The following STX7 variants were observed in gnomAD, a reference collection of about 807,000 sequenced individuals.
The protein encoded by STX7 is syntaxin 7, also known as syntaxin-7.
Under a neutral mutation model 39.6 loss-of-function variants are expected in STX7, and 34 were observed. That is an observed-to-expected ratio of 0.86 (90% CI 0.65 to 1.14). The LOEUF (loss-of-function observed/expected upper bound fraction) is 1.14, where lower values mean the gene tolerates loss of function less well. Among genes scored for constraint, STX7 ranks in the 50% most tolerant of loss-of-function variants. The probability of loss-of-function intolerance (pLI) is 0.00; values close to 1 mark genes in which losing one functional copy is unlikely to be tolerated. For synonymous variants in STX7, 119 were observed against 99.1 expected (o/e 1.20, Z -1.19); for missense variants, 284 against 310.4 (o/e 0.92, Z 0.64).
At chr6:132,470,456 A>C (rs1774686014) in intron 6 of STX7, 118 bp downstream of exon 6, 4 of 653,650 alleles carry the variant, frequency 6.1e-6, no homozygotes, top group Non-Finnish European at 9.4e-6. Flanking sequence ...TCAACATATA[A>C]ACAACTTAGG....
intron 3 of STX7, among the ~76,000 whole-genome samples, chr6:132,473,497 GTT>G (rs1241957879): frequency 8.1e-6 from 1 of 123,048 alleles, no homozygotes; most frequent in Admixed American, 8.1e-5. Flanking sequence ...TTATAGTTCA[GTT>G]TTTTTTTTTA....
At chr6:132,476,938 T>A (rs1345925531) in intron 2 of STX7, among the ~76,000 whole-genome samples, 1 of 152,110 alleles carries the variant, frequency 6.6e-6, no homozygotes, top group African/African-American at 2.4e-5. Flanking sequence ...ACCCCCTCAT[T>A]CTTTTTATTT....
rs1774167999 is a variant in STX7, at chr6:132,453,120, G to T, written c.*7638C>A. On this transcript the variant is annotated 3_prime_UTR_variant, in exon 10 of 10. Transcript: ENST00000367941. ...TTTTGCTCAACTGATTTTTGACAGA[G>T]GTGCAAAAACAATTCAATGGACAAA... 1 of 151,904 alleles carries T rather than the reference G, an allele frequency of 6.6e-6. No homozygotes were observed. The highest frequency in any genetic ancestry group is 6.6e-5 in the Admixed American group (1 of 15,254). The allele number at this position is 151,904 out of a possible 1,614,324, so 9.4% of individuals were successfully genotyped here.
intron 2 of STX7, among the ~76,000 whole-genome samples, chr6:132,478,995 A>G (rs997301802): frequency 1.3e-5 from 2 of 152,208 alleles, no homozygotes; most frequent in African/African-American, 4.8e-5. Context: ...TTAGGACCAG[A>G]AAAGCAGGAG....
Position 132,512,331 on chromosome 6 carries a change from CT to C in STX7, c.-59+675del, listed in dbSNP as rs984932447. On this transcript the variant is annotated intron_variant, in intron 1 of 9. Coordinates refer to ENST00000367941, the MANE Select transcript of STX7 (RefSeq NM_003569.3). Reference sequence around the variant, plus strand: ...ACACAGCATTTGATCAGAAATGCAACTTTTTTTCTTTGTCTGAATTTAAAGA... The same window carrying C: ...ACACAGCATTTGATCAGAAATGCAACTTTTTTCTTTGTCTGAATTTAAAGA... 7.6e-4 allele frequency among the ~76,000 whole-genome samples: 115 copies of C among 152,090 alleles called. 4 individuals are homozygous for C. Among genetic ancestry groups the C allele is most frequent in the African/African-American group, 2.5e-3 (105 of 41,486 alleles).
chr6:132,459,623 T>C lies in STX7; in HGVS notation c.*1135A>G, dbSNP rs1341164697. On this transcript the variant is annotated 3_prime_UTR_variant, in exon 10 of 10. Coordinates refer to ENST00000367941, the MANE Select transcript of STX7 (RefSeq NM_003569.3). ...TTGCCAAGTTAAACACCGCCTTCAGTACCGAGCTGCTATACAAGAACATTA... is the reference window on the plus strand; with the variant it reads ...TTGCCAAGTTAAACACCGCCTTCAGCACCGAGCTGCTATACAAGAACATTA... 6.6e-6 allele frequency: 1 copy of C among 152,240 alleles called. No individual in the cohort carries two copies. The highest frequency in any genetic ancestry group is 2.4e-5 in the African/African-American group (1 of 41,470). 9.4% of individuals were successfully genotyped at this position (152,240 alleles called of 1,614,324 possible).
At position 132,478,272 on chromosome 6, in the gene STX7, A is replaced by G. The variant is rs141139003; in HGVS notation, c.86-2610T>C. Among the ~76,000 whole-genome samples, 125 of 152,314 alleles carry G rather than the reference A, an allele frequency of 8.2e-4. 1 individual carries two copies. The highest frequency in any genetic ancestry group is 3.4e-3 in the Middle Eastern group (1 of 294). ...AATAGCAAAAAAAGGACCGAAATGC[A>G]TATCAATTTTGCAAAGTACAAACAA... On this transcript the variant is annotated intron_variant, in intron 2 of 9. Coordinates refer to ENST00000367941, the MANE Select transcript of STX7 (RefSeq NM_003569.3).
At chr6:132,489,847 T>A (rs1183703676) in intron 2 of STX7, among the ~76,000 whole-genome samples, 6 of 152,216 alleles carry the variant, frequency 3.9e-5, no homozygotes. Flanking sequence ...GGCATAAAGG[T>A]CAAATCAGTG....
At chr6:132,465,748 A>G (rs910827430) in intron 8 of STX7, among the ~76,000 whole-genome samples, 3 of 152,152 alleles carry the variant, frequency 2.0e-5, no homozygotes, top group African/African-American at 7.2e-5. Flanking sequence ...TCATGACCCT[A>G]TCTACATGCA....
intron 2 of STX7, among the ~76,000 whole-genome samples, chr6:132,489,645 G>A (rs1472621262): frequency 6.6e-6 from 1 of 152,190 alleles, no homozygotes; most frequent in East Asian, 1.9e-4. Flanking sequence ...TCTAAAGGAT[G>A]AGTCTCGAGG....
chr6:132,483,801 TAGAG>T (rs1487472019), intron 2 of STX7, among the ~76,000 whole-genome samples: 23 of 152,068 alleles, frequency 1.5e-4, no homozygotes, highest in African/African-American at 5.3e-4. Context: ...AAAATAAGCT[TAGAG>T]AAAGGGAGAT....
chr6:132,503,190 C>A (rs141774061), intron 2 of STX7, among the ~76,000 whole-genome samples: 1 of 152,272 alleles, frequency 6.6e-6, no homozygotes, highest in East Asian at 1.9e-4. Flanking sequence ...AATCCATTAT[C>A]CTTTTAAATC....
chr6:132,448,222 CT>C lies in STX7; in HGVS notation c.*12535del, dbSNP rs1371984109. The C allele has an allele frequency of 2.6e-5, 4 of 152,104 alleles. No homozygotes were observed. The highest frequency in any genetic ancestry group is 5.9e-5 in the Non-Finnish European group (4 of 68,012). 9.4% of individuals were successfully genotyped at this position (152,104 alleles called of 1,614,324 possible). A position where few individuals can be genotyped will look rare whatever the true frequency, so the allele number is the denominator to read the frequency against. On this transcript the variant is annotated 3_prime_UTR_variant, in exon 10 of 10. Transcript: ENST00000367941. ...ATGTTGCTAGTATTTTAATTACGCT[CT>C]TTTTTACTCCACAGAGTAAATACTT... is the stretch of plus-strand genomic sequence containing the variant.
chr6:132,509,519 T>TAAAAA (rs1158326856), intron 1 of STX7, among the ~76,000 whole-genome samples: 1 of 143,200 alleles, frequency 7.0e-6, no homozygotes, highest in African/African-American at 2.6e-5. Context: ...TAACATAAAA[T>TAAAAA]AAAAAAAGAC....
rs778450295 is a variant in STX7 at position 132,471,586 on chromosome 6, T to C, written c.264A>G (p.Ile88Met). The C allele has an allele frequency of 1.7e-5, 28 of 1,613,286 alleles. No homozygotes were observed. Among genetic ancestry groups the C allele is most frequent in the Non-Finnish European group, 2.4e-5 (28 of 1,179,730 alleles). The change falls in exon 5 of 10, where the codon ATA (isoleucine) becomes ATG (methionine). Residue 88 changes from isoleucine (I) to methionine (M), a missense_variant. Coordinates refer to ENST00000367941, the MANE Select transcript of STX7 (RefSeq NM_003569.3). The part of the protein sequence containing the change: ...TTPSEQRQRK[I>M]QKDRLVAEFT... ...ACTCTGCCACTAAGCGATCCTTCTG[T>C]ATTTTCCTTTGACGCTAGAGGAAAG...
intron 1 of STX7, among the ~76,000 whole-genome samples, chr6:132,505,685 A>C (rs1329574622): frequency 6.9e-6 from 1 of 144,924 alleles, no homozygotes. Context: ...TGACACCAAC[A>C]CCATCCGGAA....
At chr6:132,486,345 T>A (rs1271025705) in intron 2 of STX7, among the ~76,000 whole-genome samples, 1 of 152,212 alleles carries the variant, frequency 6.6e-6, no homozygotes, top group Non-Finnish European at 1.5e-5. Context: ...CTGTAAGTTT[T>A]CATAGATGAT....
rs1256672546 is a variant in STX7 at position 132,456,692 on chromosome 6, A to G, written c.*4066T>C. 6.6e-6 allele frequency: 1 copy of G among 152,246 alleles called. No homozygotes were observed. The highest frequency in any genetic ancestry group is 1.9e-4 in the East Asian group (1 of 5,202). The allele number at this position is 152,246 out of a possible 1,614,324, so 9.4% of individuals were successfully genotyped here. On this transcript the variant is annotated 3_prime_UTR_variant, in exon 10 of 10. Coordinates refer to ENST00000367941, the MANE Select transcript of STX7 (RefSeq NM_003569.3). ...AAATTTTTCCATCAAAGAATCTTTA[A>G]TGAAAGTGAGGAAAATTCTGAGGCT...
chr6:132,473,126 T>C (rs970938869), intron 3 of STX7, among the ~76,000 whole-genome samples: 1 of 151,962 alleles, frequency 6.6e-6, no homozygotes, highest in African/African-American at 2.4e-5. Flanking sequence ...ACCACTGCAC[T>C]CCAGCCTGAG....
Sources: allele counts gnomAD v4.1 joint callset (sites outside exome capture counted in the v4.1 genomes callset), GRCh38; gene constraint gnomAD v4.1.1; transcripts MANE v1.5; gene names NCBI Gene and HGNC (gene_info 2026-07-23, HGNC 2026-07-21).